Variants in CHN2 observed in about 807,000 individuals in gnomAD.
The protein encoded by CHN2 is beta-chimaerin.
In CHN2, 35 loss-of-function variants were observed where a neutral mutation model predicts 56.3. The ratio of observed to expected loss-of-function variants is 0.62; its 90% CI spans 0.47 to 0.82. CHN2 has a LOEUF of 0.82. Among genes scored for constraint, CHN2 ranks in the 40% least tolerant of loss-of-function variants. The pLI, the probability that CHN2 is intolerant of heterozygous loss-of-function variation, is 0.00. For missense variants in CHN2, 491 were observed against 580.5 expected, an observed-to-expected ratio of 0.85 and a Z score of 1.58; for synonymous variants, 210 against 212.8, an observed-to-expected ratio of 0.99 and a Z score of 0.12.
chr7:29,256,460 A>T (rs970737487), intron 1 of CHN2, among the ~76,000 whole-genome samples: 1 of 152,226 alleles, frequency 6.6e-6, no homozygotes, highest in African/African-American at 2.4e-5. Flanking sequence ...CAATTTTAAC[A>T]CAAGTACAAT....
At chr7:29,429,312 A>G (rs1367548531) in intron 6 of CHN2, among the ~76,000 whole-genome samples, 1 of 152,230 alleles carries the variant, frequency 6.6e-6, no homozygotes, top group Non-Finnish European at 1.5e-5. Context: ...GTAAAAGAAG[A>G]GATATCAGTC....
chr7:29,290,063 G>C (rs1443251107), intron 1 of CHN2, among the ~76,000 whole-genome samples: 4 of 152,178 alleles, frequency 2.6e-5, no homozygotes, highest in Non-Finnish European at 5.9e-5. Flanking sequence ...TGGATCTTTA[G>C]GGACTTCACT....
chr7:29,430,789 CAAAAAAAAAA>C (rs72339566), intron 6 of CHN2, among the ~76,000 whole-genome samples: 30,017 of 113,914 alleles, frequency 0.26, 4,142 homozygotes, highest in African/African-American at 0.44. Context: ...AAGATGATAG[CAAAAAAAAAA>C]AAAAAAAAAA....
intron 1 of CHN2, among the ~76,000 whole-genome samples, chr7:29,330,881 G>A (rs1796163973): frequency 6.6e-6 from 1 of 152,176 alleles, no homozygotes; most frequent in Non-Finnish European, 1.5e-5. Flanking sequence ...GTTTATTACA[G>A]ATGTGAAATT....
At chr7:29,178,607 A>G (rs532133770) in intron 2 of CHN2, among the ~76,000 whole-genome samples, 1 of 151,876 alleles carries the variant, frequency 6.6e-6, no homozygotes, top group African/African-American at 2.4e-5. Flanking sequence ...TTATCTTTTT[A>G]AAAAAAGCAG....
chr7:29,414,064 G>C (rs746916170), intron 6 of CHN2, among the ~76,000 whole-genome samples: 1 of 152,088 alleles, frequency 6.6e-6, no homozygotes, highest in Non-Finnish European at 1.5e-5. Context: ...AAAGGATTGG[G>C]CAATACTATA....
chr7:29,234,158 T>G (rs182845661), intron 1 of CHN2, among the ~76,000 whole-genome samples: 70 of 152,232 alleles, frequency 4.6e-4, no homozygotes, highest in Admixed American at 9.2e-4. Context: ...CCTTGAACGA[T>G]TTCAGACTTC....
chr7:29,311,731 C>T (rs1490581047), intron 1 of CHN2, among the ~76,000 whole-genome samples: 2 of 152,168 alleles, frequency 1.3e-5, no homozygotes, highest in African/African-American at 4.8e-5. Flanking sequence ...TTTTTTGGTG[C>T]CAAGCCCAGG....
rs747977648 is a variant in CHN2, at chr7:29,317,905, G to A, written c.50-36720G>A. Among the ~76,000 whole-genome samples the A allele has an allele frequency of 2.0e-5, 3 of 152,270 alleles. No individual in the cohort carries two copies. In the East Asian group the frequency reaches 5.8e-4, roughly 29 times the overall value. On this transcript the variant is annotated intron_variant, in intron 1 of 12. Coordinates refer to ENST00000222792, the MANE Select transcript of CHN2 (RefSeq NM_004067.4). ...AGGCTGAGGAGGGAGGATGGCTTGA[G>A]CCCAGGCGGCAGAGGTTGCAGTAAG...
At chr7:29,151,387 T>G (rs1280079762) in intron 2 of CHN2, among the ~76,000 whole-genome samples, 2 of 152,212 alleles carry the variant, frequency 1.3e-5, no homozygotes, top group African/African-American at 4.8e-5. Flanking sequence ...GTTAAGGCTT[T>G]CTTACAAAAG....
chr7:29,212,670 A>G (rs1163253891), intron 1 of CHN2: 2 of 1,469,632 alleles, frequency 1.4e-6, no homozygotes, highest in Admixed American at 3.3e-5. Flanking sequence ...AGCCTCCAGC[A>G]GATGCAAGAA....
rs1783916732 is a variant in CHN2, at chr7:29,444,806, G to A, written c.577-35473G>A. 2.0e-5 allele frequency among the ~76,000 whole-genome samples: 3 copies of A among 152,296 alleles called. No individual in the cohort carries two copies. In the South Asian group the frequency reaches 6.2e-4, roughly 32 times the overall value. ...CAGACAACTTACCACACTACTCTTG[G>A]ACAGTTTGCCCACCCTCAACCTTGA... is the stretch of plus-strand genomic sequence containing the variant. On this transcript the variant is annotated intron_variant, in intron 6 of 12. Coordinates refer to ENST00000222792, the MANE Select transcript of CHN2 (RefSeq NM_004067.4).
chr7:29,230,999 G>A (rs1255312496), intron 1 of CHN2, among the ~76,000 whole-genome samples: 4 of 152,180 alleles, frequency 2.6e-5, no homozygotes, highest in African/African-American at 7.2e-5. Context: ...GGTACAGCAA[G>A]GTTTCTTGTC....
At chr7:29,458,994 A>G (rs561470558) in intron 6 of CHN2, among the ~76,000 whole-genome samples, 31 of 152,200 alleles carry the variant, frequency 2.0e-4, no homozygotes, top group Non-Finnish European at 3.5e-4. Context: ...TTTGACAGTG[A>G]TCCTTTCACA....
At chr7:29,378,561 G>A (rs1800248327) in intron 3 of CHN2, among the ~76,000 whole-genome samples, 1 of 152,324 alleles carries the variant, frequency 6.6e-6, no homozygotes, top group Admixed American at 6.5e-5. Context: ...CCATGGCAGA[G>A]CTGAGTACTT....
At chr7:29,259,146 G>C (rs1249572377) in intron 1 of CHN2, among the ~76,000 whole-genome samples, 2 of 152,074 alleles carry the variant, frequency 1.3e-5, no homozygotes, top group Non-Finnish European at 2.9e-5. Flanking sequence ...TGGGTAACAT[G>C]GTGAAACTGC....
At chr7:29,226,891 G>T (rs1786247640) in intron 1 of CHN2, among the ~76,000 whole-genome samples, 1 of 152,176 alleles carries the variant, frequency 6.6e-6, no homozygotes, top group Non-Finnish European at 1.5e-5. Flanking sequence ...AATGGAGAAT[G>T]AAAAAGGCTG....
At chr7:29,432,478 C>A (rs1221141850) in intron 6 of CHN2, among the ~76,000 whole-genome samples, 1 of 152,318 alleles carries the variant, frequency 6.6e-6, no homozygotes, top group Non-Finnish European at 1.5e-5. Context: ...CTGATCAGGG[C>A]AACCCAGAAA....
chr7:29,149,413 C>T (rs1190478216), intron 2 of CHN2, among the ~76,000 whole-genome samples: 2 of 151,944 alleles, frequency 1.3e-5, no homozygotes, highest in South Asian at 2.1e-4. Flanking sequence ...AGGCTGGTCT[C>T]GAACTCCTGA....
Sources: gnomAD v4.1 joint callset for allele counts (sites outside exome capture counted in the v4.1 genomes callset) on GRCh38, gnomAD v4.1.1 for gene constraint, MANE v1.5 for transcripts, NCBI Gene and HGNC (gene_info 2026-07-23, HGNC 2026-07-21) for gene names.